SND1: variants seen among roughly 807,000 people sequenced by gnomAD.
The protein encoded by SND1 is staphylococcal nuclease and tudor domain containing 1.
SND1 carries 38 observed loss-of-function variants against 121.7 expected under a neutral mutation model. That is an observed-to-expected ratio of 0.31 (90% CI 0.24 to 0.41). The LOEUF (loss-of-function observed/expected upper bound fraction) is 0.41, where lower values mean the gene tolerates loss of function less well. SND1 is among the 10% of genes least tolerant of loss of function. The probability of loss-of-function intolerance (pLI) is 1.00; values close to 1 mark genes in which losing one functional copy is unlikely to be tolerated. For missense variants in SND1, 868 were observed against 1,184.6 expected, an observed-to-expected ratio of 0.73 and a Z score of 3.92; for synonymous variants, 401 against 447.4, an observed-to-expected ratio of 0.90 and a Z score of 1.31.
intron 13 of SND1, among the ~76,000 whole-genome samples, chr7:127,897,970 C>T (rs181140286): frequency 3.6e-4 from 55 of 152,180 alleles, no homozygotes; most frequent in Non-Finnish European, 6.6e-4. Context: ...TCCTGAGGCC[C>T]TATCCTCTCA....
rs552606287 is a variant in SND1 at position 127,911,691 on chromosome 7, G to A, written c.1527+6872G>A. ...TAGTTTTTGTATTTTTAGTAGAGAC[G>A]GGGTTTCACCATGTTGGTCAGGCTG... On this transcript the variant is annotated intron_variant, in intron 14 of 23. Coordinates refer to ENST00000354725, the MANE Select transcript of SND1 (RefSeq NM_014390.4). Among the ~76,000 whole-genome samples the A allele has an allele frequency of 7.9e-5, 12 of 152,166 alleles. No individual in the cohort carries two copies. The East Asian group carries it at 9.7e-4, about 12-fold the overall frequency.
intron 10 of SND1, among the ~76,000 whole-genome samples, chr7:127,804,610 C>T (rs1229017713): frequency 6.6e-6 from 1 of 152,010 alleles, no homozygotes; most frequent in East Asian, 1.9e-4. Context: ...TGTGCTGTTT[C>T]AGAATATGTG....
At chr7:127,662,488 A>G (rs1795331687) in intron 1 of SND1, among the ~76,000 whole-genome samples, 1 of 152,126 alleles carries the variant, frequency 6.6e-6, no homozygotes, top group East Asian at 1.9e-4. Context: ...CTCTGATGCT[A>G]GCGTTTGTAT....
At chr7:127,870,158 T>C (rs1385239747) in intron 12 of SND1, among the ~76,000 whole-genome samples, 1 of 152,186 alleles carries the variant, frequency 6.6e-6, no homozygotes, top group Non-Finnish European at 1.5e-5. Context: ...CAGTCAAGAT[T>C]CTTTCAGTAA....
At chr7:127,987,678 C>T (rs1015864316) in intron 15 of SND1, among the ~76,000 whole-genome samples, 5 of 152,202 alleles carry the variant, frequency 3.3e-5, no homozygotes, top group African/African-American at 7.2e-5. Context: ...TCTGTCTTTA[C>T]ACCTCAGTCA....
intron 15 of SND1, among the ~76,000 whole-genome samples, chr7:127,989,691 A>G (rs1054692402): frequency 2.0e-5 from 3 of 152,350 alleles, no homozygotes; most frequent in East Asian, 1.9e-4. Flanking sequence ...ATTCAGAGAC[A>G]CACATACTCC....
At chr7:127,916,715 C>T (rs1800587518) in intron 14 of SND1, among the ~76,000 whole-genome samples, 1 of 152,100 alleles carries the variant, frequency 6.6e-6, no homozygotes, top group Non-Finnish European at 1.5e-5. Context: ...ATTGAGTCTC[C>T]AGCTTCAAGG....
chr7:128,091,929 T>C (rs551016609), intron 23 of SND1, 48 bp downstream of exon 23: 2 of 1,613,828 alleles, frequency 1.2e-6, no homozygotes, highest in East Asian at 2.2e-5. Context: ...GTTGAGGGGT[T>C]TGGCCCTCTG....
chr7:127,855,413 G>C (rs1276292576), intron 12 of SND1, among the ~76,000 whole-genome samples: 1 of 152,042 alleles, frequency 6.6e-6, no homozygotes, highest in Non-Finnish European at 1.5e-5. Context: ...ACTGGCCTGG[G>C]TATTTTTTTA....
intron 13 of SND1, among the ~76,000 whole-genome samples, chr7:127,892,272 T>C (rs1318580665): frequency 6.6e-6 from 1 of 152,094 alleles, no homozygotes; most frequent in Non-Finnish European, 1.5e-5. Flanking sequence ...CTGCCAACCT[T>C]TCTCATATCA....
intron 16 of SND1, chr7:128,031,557 G>T (rs542147200): frequency 3.3e-5 from 5 of 150,920 alleles, no homozygotes; most frequent in African/African-American, 1.2e-4. Context: ...AAAACGGGGG[G>T]TCAGTTCTCC....
At chr7:127,768,567 C>A (rs898541321) in intron 10 of SND1, among the ~76,000 whole-genome samples, 1 of 152,112 alleles carries the variant, frequency 6.6e-6, no homozygotes. Flanking sequence ...AATTTAGAGA[C>A]GATGAGTCTT....
At chr7:127,725,959 C>T (rs950330212) in intron 10 of SND1, among the ~76,000 whole-genome samples, 4 of 152,156 alleles carry the variant, frequency 2.6e-5, no homozygotes, top group African/African-American at 7.2e-5. Flanking sequence ...TTTCTTCCTC[C>T]GAGACAACTC....
At chr7:127,889,617 T>C (rs1799973503) in intron 13 of SND1, among the ~76,000 whole-genome samples, 1 of 144,452 alleles carries the variant, frequency 6.9e-6, no homozygotes, top group Non-Finnish European at 1.6e-5. Context: ...TTATTGATTC[T>C]TTCAAGCTAT....
At position 127,865,482 on chromosome 7, in the gene SND1, G is replaced by T. The variant is rs189232877; in HGVS notation, c.1343+21058G>T. On this transcript the variant is annotated intron_variant, in intron 12 of 23. Transcript: ENST00000354725. ...GGAACTGGATGTGTTCTTTGTAAGT[G>T]CCATACCTTATCTTTGGTACAAGAT... is the stretch of plus-strand genomic sequence containing the variant. 2.0e-5 allele frequency among the ~76,000 whole-genome samples: 3 copies of T among 152,308 alleles called. No homozygotes were observed. The East Asian group carries it at 5.8e-4, about 29-fold the overall frequency.
At chr7:128,028,806 G>T in intron 16 of SND1, 1 of 1,614,130 alleles carries the variant, frequency 6.2e-7, no homozygotes, top group Non-Finnish European at 8.5e-7. Flanking sequence ...CCCATGTGCT[G>T]GTTTGTAGGT....
intron 8 of SND1, 116 bp downstream of exon 8, chr7:127,705,061 G>T: frequency 2.5e-6 from 2 of 815,006 alleles, no homozygotes; most frequent in Non-Finnish European, 4.1e-6. Context: ...CTTCAGTAAA[G>T]GAGTAGGGCA....
chr7:127,676,977 G>A (rs998269961), intron 1 of SND1, among the ~76,000 whole-genome samples: 21 of 152,194 alleles, frequency 1.4e-4, no homozygotes, highest in African/African-American at 4.8e-4. Context: ...CCTGACCTCA[G>A]GTGATCCACC....
chr7:127,856,031 A>G (rs1162788996), intron 12 of SND1, among the ~76,000 whole-genome samples: 1 of 152,248 alleles, frequency 6.6e-6, no homozygotes, highest in African/African-American at 2.4e-5. Context: ...TCACTTTTTC[A>G]GTTTTCATGA....
Sources: gnomAD v4.1 joint callset for allele counts (sites outside exome capture counted in the v4.1 genomes callset) on GRCh38, gnomAD v4.1.1 for gene constraint, MANE v1.5 for transcripts, NCBI Gene and HGNC (gene_info 2026-07-23, HGNC 2026-07-21) for gene names.